RIF1: variants seen among roughly 807,000 people sequenced by gnomAD.
RIF1 encodes the protein telomere-associated protein RIF1.
A neutral mutation model predicts 247.1 loss-of-function variants in RIF1; 45 were observed. That is an observed-to-expected ratio of 0.18 (90% CI 0.14 to 0.23). The LOEUF is 0.23. Among genes scored for constraint, RIF1 ranks in the 10% least tolerant of loss-of-function variants. The probability of loss-of-function intolerance (pLI) is 1.00; values close to 1 mark genes in which losing one functional copy is unlikely to be tolerated. For synonymous variants in RIF1, 1,087 were observed against 978.8 expected (o/e 1.11, Z -2.06); for missense variants, 2,967 against 2,862.5 (o/e 1.04, Z -0.83).
At chr2:151,489,636 A>G (rs1048037882) in intron 9 of RIF1, among the ~76,000 whole-genome samples, 8 of 152,164 alleles carry the variant, frequency 5.3e-5, no homozygotes, top group Admixed American at 6.6e-5. Flanking sequence ...AGCTCAAGCA[A>G]TCCTCCTGCA....
Position 151,464,668 on chromosome 2 carries a change from T to A in RIF1, c.5148T>A (p.Leu1716=). The A allele has an allele frequency of 6.2e-7, 1 of 1,612,950 alleles. No homozygotes were observed. The highest frequency in any genetic ancestry group is 1.3e-5 in the African/African-American group (1 of 74,996). The change falls in exon 30 of 36, where the codon CTT becomes CTA. Residue 1716 remains leucine (L), a synonymous_variant. Transcript: ENST00000444746. The stretch of plus-strand genomic sequence containing the variant: ...TTTCAGAAAAAACTTTTCAAACACT[T>A]GAATGCCAACACAAGAGAAGTAGGA... ...SSLSEKTFQT[L]ECQHKRSRRV...
In RIF1 at chr2:151,433,163, A is replaced by G. The variant is rs1690489340; in HGVS notation, c.1012A>G (p.Lys338Glu). The G allele has an allele frequency of 6.2e-7, 1 of 1,613,518 alleles. No homozygotes were observed. The highest frequency in any genetic ancestry group is 1.3e-5 in the African/African-American group (1 of 74,940). Reference protein sequence around the residue: ...HVRTETLALTKLEVWWYLLMR... With the variant: ...HVRTETLALTELEVWWYLLMR... ...GAGAACAGAAACTCTAGCATTAACAAAACTAGAAGTCTGGTGGTATTTACT... is the reference window on the plus strand; with the variant it reads ...GAGAACAGAAACTCTAGCATTAACAGAACTAGAAGTCTGGTGGTATTTACT... The change falls in exon 10 of 36, where the codon AAA becomes GAA. Residue 338 changes from lysine (K) to glutamate (E), a missense_variant. By Grantham distance (56) the Lys-to-Glu change is moderately conservative (BLOSUM62 1). Coordinates refer to ENST00000444746, the MANE Select transcript of RIF1 (RefSeq NM_018151.5).
downstream of RIF1, chr2:151,485,740 A>G: frequency 6.3e-7 from 1 of 1,590,874 alleles, no homozygotes; most frequent in Admixed American, 1.7e-5. Flanking sequence ...CCTGCAGACA[A>G]GTGTGATGCT....
intron 13 of RIF1, chr2:151,506,982 T>G: frequency 6.2e-7 from 1 of 1,609,744 alleles, no homozygotes; most frequent in Middle Eastern, 1.8e-4. Flanking sequence ...AATTTTTCCT[T>G]TACTGTTTTT....
chr2:151,469,735 T>G lies in RIF1; in HGVS notation c.6966T>G (p.Ile2322Met). 1.3e-6 allele frequency: 2 copies of G among 1,599,118 alleles called. No individual in the cohort carries two copies. The highest frequency in any genetic ancestry group is 1.7e-6 in the Non-Finnish European group (2 of 1,173,002). The change falls in exon 34 of 36, where the codon ATT (isoleucine) becomes ATG (methionine). Residue 2322 changes from isoleucine to methionine, a missense_variant. By Grantham distance (10) the Ile-to-Met change is conservative. Coordinates refer to ENST00000444746, the MANE Select transcript of RIF1 (RefSeq NM_018151.5). ...GGGCAAGAGGCCTGGGACAACTCAT[T>G]AGAGCTAAGAATATAAAAACTATTG... ...NMWARGLGQL[I>M]RAKNIKTIGD...
intron 10 of RIF1, chr2:151,497,648 T>G (rs1474465279): frequency 6.3e-7 from 1 of 1,580,758 alleles, no homozygotes; most frequent in East Asian, 2.3e-5. Context: ...TTCTTGATTG[T>G]GTTTGACTCT....
chr2:151,519,705 T>G, the RIF1 span: 1 of 1,613,468 alleles, frequency 6.2e-7, no homozygotes, highest in Non-Finnish European at 8.5e-7. Context: ...TAGAGCTGGC[T>G]GTCTTTTGGA....
At chr2:151,485,251 T>G (rs908250474), downstream of RIF1, 3 of 152,270 alleles carry the variant, frequency 2.0e-5, no homozygotes, top group Non-Finnish European at 4.4e-5. Flanking sequence ...AATTTTTTAG[T>G]AATTTTATGT....
At position 151,458,854 on chromosome 2, in the gene RIF1, C is replaced by T; in HGVS notation, c.2899C>T (p.Pro967Ser). The change falls in exon 25 of 36, where the codon CCT becomes TCT. Residue 967 changes from proline (P) to serine (S), a missense_variant. Around this residue, in one of 7 missense-constraint regions of RIF1, gnomAD observed 2,028 missense variants for 1,825.6 expected, o/e 1.11. Coordinates refer to ENST00000444746, the MANE Select transcript of RIF1 (RefSeq NM_018151.5). ...QAKQKFLLLLPGLETVEMMEE... is the reference protein window; with the variant it reads ...QAKQKFLLLLSGLETVEMMEE... ...CAAACAAAAATTTCTGCTCCTGTTG[C>T]CTGGTTTGGAAACTGTTGAAATGAT... is the stretch of plus-strand genomic sequence containing the variant. 1.2e-6 allele frequency: 2 copies of T among 1,613,128 alleles called. No homozygotes were observed. Among genetic ancestry groups the T allele is most frequent in the South Asian group, 1.1e-5 (1 of 90,980 alleles).
downstream of RIF1, among the ~76,000 whole-genome samples, chr2:151,510,706 T>C (rs980177436): frequency 2.0e-5 from 3 of 152,344 alleles, no homozygotes; most frequent in South Asian, 4.1e-4. Flanking sequence ...AAATTAAGCT[T>C]TGTCATAGGT....
chr2:151,524,297 C>T, the RIF1 span: 4 of 1,603,346 alleles, frequency 2.5e-6, no homozygotes, highest in Non-Finnish European at 3.4e-6. Context: ...CACCAGTGCA[C>T]CCATCTGCAT....
chr2:151,449,998 C>T (rs1312377533), intron 20 of RIF1, among the ~76,000 whole-genome samples: 4 of 152,040 alleles, frequency 2.6e-5, no homozygotes, highest in South Asian at 2.1e-4. Context: ...TGTGCCACCA[C>T]GCCTGGCTAA....
chr2:151,446,945 C>CTTTTT (rs71403169), intron 20 of RIF1, among the ~76,000 whole-genome samples: 1 of 137,654 alleles, frequency 7.3e-6, no homozygotes, highest in African/African-American at 2.7e-5. Context: ...TTTTCTCTTT[C>CTTTTT]TTTTTTTTTT....
intron 14 of RIF1, 86 bp downstream of exon 14, chr2:151,438,832 C>T: frequency 1.3e-6 from 1 of 793,106 alleles, no homozygotes; most frequent in Non-Finnish European, 2.2e-6. Context: ...AATTGTTTGA[C>T]TATATAAAAT....
chr2:151,425,942 G>A (rs536294981), intron 8 of RIF1, among the ~76,000 whole-genome samples: 26 of 151,728 alleles, frequency 1.7e-4, no homozygotes, highest in Admixed American at 1.1e-3. Flanking sequence ...ACCTCCCAAA[G>A]TGCTGGGATT....
chr2:151,532,099 T>C, the RIF1 span: 15 of 468,748 alleles, frequency 3.2e-5, no homozygotes, highest in South Asian at 3.9e-4. Context: ...ATAATTTCCT[T>C]TTTTTGTTTC....
intron 34 of RIF1, among the ~76,000 whole-genome samples, chr2:151,471,083 C>T (rs1189892460): frequency 1.3e-5 from 2 of 152,032 alleles, no homozygotes; most frequent in East Asian, 1.9e-4. Flanking sequence ...TCCTCATTTC[C>T]ACTGTCCAGC....
In RIF1 at chr2:151,465,138, C is replaced by T; in HGVS notation, c.5618C>T (p.Ser1873Leu). 6.2e-7 allele frequency: 1 copy of T among 1,613,368 alleles called. No individual in the cohort carries two copies. Among genetic ancestry groups the T allele is most frequent in the Non-Finnish European group, 8.5e-7 (1 of 1,179,842 alleles). ...TGTTTAGGAGACTCGAAAAATGTTT[C>T]ACAGGAATCTTTGGAGACAAAAGAA... ...GPCLGDSKNV[S>L]QESLETKEEK... The change falls in exon 30 of 36, where the codon TCA (serine) becomes TTA (leucine). Residue 1873 changes from serine (S) to leucine (L), a missense_variant. Ser to Leu is a moderately radical substitution (Grantham distance 145, BLOSUM62 -2). This residue lies in a region of RIF1 where 2,028 missense variants were observed against 1,825.6 expected (regional missense o/e 1.11). Coordinates refer to ENST00000444746, the MANE Select transcript of RIF1 (RefSeq NM_018151.5).
chr2:151,460,715 A>G (rs530251566), intron 26 of RIF1, among the ~76,000 whole-genome samples: 95 of 152,366 alleles, frequency 6.2e-4, no homozygotes, highest in Non-Finnish European at 6.5e-4. Flanking sequence ...AATTAAAGCA[A>G]TGGTTCCAAT....
Sources: allele counts gnomAD v4.1 joint callset (sites outside exome capture counted in the v4.1 genomes callset), GRCh38; gene constraint gnomAD v4.1.1; regional missense constraint gnomAD v4.1.1; transcripts MANE v1.5; gene names NCBI Gene and HGNC (gene_info 2026-07-23, HGNC 2026-07-21).